The following DGKB variants were observed in gnomAD, a reference collection of about 807,000 sequenced individuals.
DGKB encodes 90 kDa diacylglycerol kinase.
DGKB carries 67 observed loss-of-function variants against 114.3 expected under a neutral mutation model. That is an observed-to-expected ratio of 0.59 (90% CI 0.48 to 0.72). The LOEUF (loss-of-function observed/expected upper bound fraction) is 0.72. DGKB is among the 30% of genes least tolerant of loss of function. DGKB has a pLI of 0.00. For missense variants in DGKB, 907 were observed against 975.2 expected (o/e 0.93, Z 0.93); for synonymous variants, 398 against 323.1 (o/e 1.23, Z -2.49).
At chr7:14,460,884 C>T (rs777996405) in intron 21 of DGKB, among the ~76,000 whole-genome samples, 8 of 151,928 alleles carry the variant, frequency 5.3e-5, no homozygotes, top group African/African-American at 7.3e-5. Flanking sequence ...TGCAAAAGAA[C>T]GGAAATCATA....
intron 23 of DGKB, among the ~76,000 whole-genome samples, chr7:14,301,615 T>C: frequency 6.6e-6 from 1 of 152,286 alleles, no homozygotes; most frequent in East Asian, 1.9e-4. Context: ...ATCCTACCAA[T>C]GTGGACAACT....
intron 23 of DGKB, chr7:14,190,686 A>T (rs6964794): frequency 0.45 from 68,224 of 152,030 alleles, 18,259 homozygotes; most frequent in African/African-American, 0.76. Context: ...AAGACTCAAA[A>T]AAATAAAATC....
At chr7:14,353,817 A>T (rs1813946564) in intron 21 of DGKB, among the ~76,000 whole-genome samples, 1 of 152,180 alleles carries the variant, frequency 6.6e-6, no homozygotes, top group South Asian at 2.1e-4. Context: ...TGTTCACCAT[A>T]ATTGCTTGTT....
rs530991043 is a variant in DGKB at position 14,385,272 on chromosome 7, T to C, written c.1836-39881A>G. The stretch of plus-strand genomic sequence containing the variant: ...AAAAGTACTAGAGGAAGAACACTCA[T>C]CATATCATCATCTGGGAGGTTCACT... On this transcript the variant is annotated intron_variant, in intron 21 of 25. Coordinates refer to ENST00000402815, the MANE Select transcript of DGKB (RefSeq NM_001350709.2). Among the ~76,000 whole-genome samples the C allele has an allele frequency of 1.3e-4, 20 of 152,246 alleles. No individual in the cohort carries two copies. In the South Asian group the frequency reaches 2.5e-3, roughly 19 times the overall value.
chr7:14,486,528 C>A (rs568469183), intron 20 of DGKB, among the ~76,000 whole-genome samples: 5 of 152,136 alleles, frequency 3.3e-5, no homozygotes, highest in Admixed American at 6.5e-5. Context: ...ACCGAGGTAT[C>A]CAGGAACGTA....
intron 21 of DGKB, among the ~76,000 whole-genome samples, chr7:14,383,954 T>C (rs1819906149): frequency 6.6e-6 from 1 of 152,176 alleles, no homozygotes; most frequent in Non-Finnish European, 1.5e-5. Context: ...TAATAAAGCA[T>C]GTAGTGTGCT....
At chr7:14,327,166 T>C (rs895372558) in intron 23 of DGKB, among the ~76,000 whole-genome samples, 3 of 152,148 alleles carry the variant, frequency 2.0e-5, no homozygotes, top group African/African-American at 7.2e-5. Context: ...AAACAGCACA[T>C]TCATTTCATT....
intron 6 of DGKB, among the ~76,000 whole-genome samples, chr7:14,709,245 G>A (rs528052015): frequency 2.0e-5 from 3 of 152,004 alleles, no homozygotes; most frequent in East Asian, 1.9e-4. Context: ...TCAGAGAAAT[G>A]CAAATCAAAA....
chr7:14,314,116 C>A (rs936714339), intron 23 of DGKB, among the ~76,000 whole-genome samples: 132 of 152,190 alleles, frequency 8.7e-4, no homozygotes, highest in African/African-American at 2.6e-3. Flanking sequence ...GACATCCACA[C>A]CAAAAACTCA....
intron 20 of DGKB, among the ~76,000 whole-genome samples, chr7:14,478,888 C>T (rs537434891): frequency 1.3e-5 from 2 of 151,912 alleles, no homozygotes; most frequent in Non-Finnish European, 2.9e-5. Context: ...CCAAGTGCAT[C>T]GGTTCTGACC....
intron 20 of DGKB, among the ~76,000 whole-genome samples, chr7:14,491,389 T>G (rs1421771578): frequency 1.3e-5 from 2 of 152,102 alleles, no homozygotes; most frequent in Non-Finnish European, 2.9e-5. Flanking sequence ...CCCAGGCACG[T>G]GGAACTGTGA....
At chr7:14,364,519 CTCA>C in intron 21 of DGKB, among the ~76,000 whole-genome samples, 1 of 152,114 alleles carries the variant, frequency 6.6e-6, no homozygotes, top group South Asian at 2.1e-4. Flanking sequence ...GTAATTTTCT[CTCA>C]TCATCCATAA....
chr7:14,424,516 A>G (rs1827207411), intron 21 of DGKB, among the ~76,000 whole-genome samples: 1 of 151,972 alleles, frequency 6.6e-6, no homozygotes, highest in Non-Finnish European at 1.5e-5. Flanking sequence ...ATTAATAATA[A>G]CCATCCCTTA....
chr7:14,897,714 G>A (rs963474292), intron 1 of DGKB, among the ~76,000 whole-genome samples: 6 of 151,856 alleles, frequency 4.0e-5, no homozygotes, highest in South Asian at 2.1e-4. Flanking sequence ...ACCACAGAAG[G>A]TAATAAATGT....
chr7:14,883,928 C>A (rs1854627439), intron 1 of DGKB, among the ~76,000 whole-genome samples: 1 of 151,968 alleles, frequency 6.6e-6, no homozygotes, highest in South Asian at 2.1e-4. Context: ...ATAGGTGCTT[C>A]CATCACCATT....
chr7:14,767,651 T>G (rs1336357133), intron 2 of DGKB, among the ~76,000 whole-genome samples: 1 of 151,984 alleles, frequency 6.6e-6, no homozygotes, highest in Non-Finnish European at 1.5e-5. Flanking sequence ...ATAAGATGTC[T>G]TAAAGTTATA....
Position 14,678,942 on chromosome 7 carries a change from C to CT in DGKB, c.1035+3610dup, listed in dbSNP as rs1463010727. On this transcript the variant is annotated intron_variant, in intron 12 of 25. Coordinates refer to ENST00000402815, the MANE Select transcript of DGKB (RefSeq NM_001350709.2). ...AAGAGTAAAAAAAATTGACTTCAAA[C>CT]TTTTTTTCCAGTGACTGGAAGCATG... Among the ~76,000 whole-genome samples the CT allele has an allele frequency of 2.0e-5, 3 of 151,936 alleles. No individual in the cohort carries two copies. In the East Asian group the frequency reaches 5.8e-4, roughly 29 times the overall value.
intron 23 of DGKB, among the ~76,000 whole-genome samples, chr7:14,195,502 G>T: frequency 6.6e-6 from 1 of 152,058 alleles, no homozygotes; most frequent in Non-Finnish European, 1.5e-5. Context: ...CAAATATTCA[G>T]ATTAAAATGC....
chr7:14,272,817 T>C (rs1040335941), intron 23 of DGKB, among the ~76,000 whole-genome samples: 1 of 152,200 alleles, frequency 6.6e-6, no homozygotes, highest in Non-Finnish European at 1.5e-5. Context: ...CTACCATCCT[T>C]AAGTGAAAGA....
Sources: allele counts gnomAD v4.1 joint callset (sites outside exome capture counted in the v4.1 genomes callset), GRCh38; gene constraint gnomAD v4.1.1; transcripts MANE v1.5; gene names NCBI Gene and HGNC (gene_info 2026-07-23, HGNC 2026-07-21).